Variants in EFNA5 observed in about 807,000 individuals in gnomAD.
EFNA5 encodes ephrin A5, also known as ephrin-A5.
A neutral mutation model predicts 22.9 loss-of-function variants in EFNA5; 5 were observed. The ratio of observed to expected loss-of-function variants is 0.22; its 90% confidence interval spans 0.11 to 0.46. The LOEUF is 0.46. Among genes scored for constraint, EFNA5 ranks in the 20% least tolerant of loss-of-function variants. The pLI is 0.99. For missense variants in EFNA5, 237 were observed against 293.3 expected, an observed-to-expected ratio of 0.81 and a Z score of 1.40; for synonymous variants, 113 against 112.2, an observed-to-expected ratio of 1.01 and a Z score of -0.04.
chr5:107,419,008 T>C (rs1446954728), intron 2 of EFNA5, among the ~76,000 whole-genome samples: 2 of 152,224 alleles, frequency 1.3e-5, no homozygotes, highest in African/African-American at 2.4e-5. Context: ...CCTGTGTTCC[T>C]ATGAATTGCC....
chr5:107,548,252 T>C (rs1375764662), intron 1 of EFNA5, among the ~76,000 whole-genome samples: 1 of 152,208 alleles, frequency 6.6e-6, no homozygotes, highest in East Asian at 1.9e-4. Context: ...ACCTACACTT[T>C]TTAAAAATTT....
intron 1 of EFNA5, among the ~76,000 whole-genome samples, 169 bp downstream of exon 1, chr5:107,670,320 G>T (rs1310444057): frequency 6.6e-6 from 1 of 152,146 alleles, no homozygotes; most frequent in Non-Finnish European, 1.5e-5. Context: ...ACAAAGAGGG[G>T]CGCGACGCGA....
At chr5:107,615,930 T>C (rs1331461548) in intron 1 of EFNA5, among the ~76,000 whole-genome samples, 1 of 152,214 alleles carries the variant, frequency 6.6e-6, no homozygotes, top group African/African-American at 2.4e-5. Flanking sequence ...AACCCAAAGA[T>C]ACTTAATATC....
chr5:107,650,176 A>C (rs1208927859), intron 1 of EFNA5, among the ~76,000 whole-genome samples: 1 of 152,244 alleles, frequency 6.6e-6, no homozygotes. Context: ...TCCACTGCAG[A>C]GGTACAAACA....
At chr5:107,559,830 T>C (rs1748499714) in intron 1 of EFNA5, among the ~76,000 whole-genome samples, 1 of 152,196 alleles carries the variant, frequency 6.6e-6, no homozygotes, top group Admixed American at 6.5e-5. Context: ...AGAGCAATTA[T>C]CCTTTGGGGA....
intron 1 of EFNA5, among the ~76,000 whole-genome samples, chr5:107,640,259 T>C (rs1423518691): frequency 6.6e-6 from 1 of 152,124 alleles, no homozygotes; most frequent in Non-Finnish European, 1.5e-5. Context: ...TATGCAGCCC[T>C]TGACAAGGAT....
chr5:107,502,059 A>G (rs377351079), intron 1 of EFNA5, among the ~76,000 whole-genome samples: 106 of 152,284 alleles, frequency 7.0e-4, no homozygotes, highest in African/African-American at 2.5e-3. Context: ...TACGGAAGTT[A>G]GTTAATTACA....
intron 1 of EFNA5, among the ~76,000 whole-genome samples, chr5:107,562,131 T>TTC (rs1207594688): frequency 6.6e-6 from 1 of 152,188 alleles, no homozygotes; most frequent in African/African-American, 2.4e-5. Context: ...ATCTAGGAGT[T>TTC]TCTTTGAGCT....
At chr5:107,630,786 C>A (rs1044889374) in intron 1 of EFNA5, among the ~76,000 whole-genome samples, 16 of 152,180 alleles carry the variant, frequency 1.1e-4, no homozygotes, top group Non-Finnish European at 1.6e-4. Flanking sequence ...GCTTGAAACA[C>A]AAATACATTG....
Position 107,595,556 on chromosome 5 carries a change from A to G in EFNA5, c.125+74933T>C, listed in dbSNP as rs1421822766. On this transcript the variant is annotated intron_variant, in intron 1 of 4. Coordinates refer to ENST00000333274, the MANE Select transcript of EFNA5 (RefSeq NM_001962.3). ...ATAACTCATTTTTGGGAAGCCGGGA[A>G]AGGGAAAGATAAAATTAATTTACTA... 4.6e-5 allele frequency among the ~76,000 whole-genome samples: 7 copies of G among 152,356 alleles called. No individual in the cohort carries two copies. In the East Asian group the frequency reaches 1.3e-3, roughly 29 times the overall value.
intron 1 of EFNA5, among the ~76,000 whole-genome samples, chr5:107,562,658 T>C (rs1487507884): frequency 6.6e-6 from 1 of 152,204 alleles, no homozygotes; most frequent in African/African-American, 2.4e-5. Flanking sequence ...GTTCCTAATA[T>C]GTAGTAAACT....
At chr5:107,443,720 G>A (rs1418155160) in intron 1 of EFNA5, among the ~76,000 whole-genome samples, 1 of 152,108 alleles carries the variant, frequency 6.6e-6, no homozygotes, top group East Asian at 1.9e-4. Context: ...GGGGTTGGGT[G>A]AAAAGGGGAG....
chr5:107,548,032 T>C (rs902874549), intron 1 of EFNA5, among the ~76,000 whole-genome samples: 4 of 152,148 alleles, frequency 2.6e-5, no homozygotes, highest in African/African-American at 4.8e-5. Context: ...TTAAAAATAA[T>C]TGTGAAGAAT....
At chr5:107,661,674 T>C (rs1158649705) in intron 1 of EFNA5, among the ~76,000 whole-genome samples, 5 of 152,360 alleles carry the variant, frequency 3.3e-5, no homozygotes, top group African/African-American at 9.6e-5. Context: ...TATTTTTTCC[T>C]TTTCCCCCCA....
intron 1 of EFNA5, among the ~76,000 whole-genome samples, chr5:107,572,656 C>T (rs1356104345): frequency 1.3e-5 from 2 of 152,150 alleles, no homozygotes; most frequent in African/African-American, 2.4e-5. Flanking sequence ...GATCAAAATG[C>T]ATTCAAACAA....
chr5:107,432,236 G>C (rs154648), intron 1 of EFNA5, among the ~76,000 whole-genome samples: 1 of 151,966 alleles, frequency 6.6e-6, no homozygotes, highest in Non-Finnish European at 1.5e-5. Flanking sequence ...CATGTTGTTA[G>C]GCTCAGCAGC....
intron 1 of EFNA5, among the ~76,000 whole-genome samples, chr5:107,463,947 A>G (rs1437077391): frequency 6.6e-6 from 1 of 152,158 alleles, no homozygotes; most frequent in Admixed American, 6.6e-5. Context: ...CAAGTACCTC[A>G]TATTAGATCA....
At chr5:107,508,981 G>A (rs940525998) in intron 1 of EFNA5, among the ~76,000 whole-genome samples, 18 of 152,072 alleles carry the variant, frequency 1.2e-4, no homozygotes, top group Admixed American at 1.0e-3. Flanking sequence ...CGATTAAATG[G>A]ATATTTTAGG....
chr5:107,642,233 TAGAC>T (rs923488958), intron 1 of EFNA5, among the ~76,000 whole-genome samples: 2 of 152,162 alleles, frequency 1.3e-5, no homozygotes, highest in African/African-American at 4.8e-5. Context: ...AACTTTCCCT[TAGAC>T]AGAAGGAATA....
Sources: gnomAD v4.1 joint callset for allele counts (sites outside exome capture counted in the v4.1 genomes callset) on GRCh38, gnomAD v4.1.1 for gene constraint, MANE v1.5 for transcripts, NCBI Gene and HGNC (gene_info 2026-07-23, HGNC 2026-07-21) for gene names.